CIT: variants seen among roughly 807,000 people sequenced by gnomAD.
CIT encodes citron rho-interacting serine/threonine kinase, also known as citron Rho-interacting kinase.
Under a neutral mutation model 272.7 loss-of-function variants are expected in CIT, and 79 were observed. The ratio of observed to expected loss-of-function variants is 0.29; its 90% CI spans 0.24 to 0.35. The LOEUF is 0.35. Ranked by LOEUF, CIT falls within the 10% of genes least tolerant of loss-of-function variation. The pLI is 1.00. For synonymous variants in CIT, 948 were observed against 995.6 expected (o/e 0.95, Z 0.90); for missense variants, 1,909 against 2,618.3 (o/e 0.73, Z 5.91).
At chr12:119,821,126 T>C (rs953519340) in intron 9 of CIT, among the ~76,000 whole-genome samples, 4 of 151,922 alleles carry the variant, frequency 2.6e-5, no homozygotes, top group African/African-American at 9.7e-5. Context: ...AAAAACCCTG[T>C]TTCTACGAAA....
intron 5 of CIT, among the ~76,000 whole-genome samples, chr12:119,836,272 C>G (rs972400501): frequency 9.0e-6 from 1 of 111,154 alleles, no homozygotes; most frequent in African/African-American, 4.0e-5. Context: ...GGCAACAGAG[C>G]GAGACTCCAT....
At chr12:119,865,283 A>G (rs1396180830) in intron 3 of CIT, among the ~76,000 whole-genome samples, 2 of 152,182 alleles carry the variant, frequency 1.3e-5, no homozygotes, top group Admixed American at 6.6e-5. Context: ...AAGACTAATG[A>G]AGGTGCCTGC....
intron 24 of CIT, among the ~76,000 whole-genome samples, chr12:119,737,372 T>C (rs966718718): frequency 9.2e-6 from 1 of 108,978 alleles, no homozygotes; most frequent in Non-Finnish European, 1.9e-5. Flanking sequence ...GACTAGACTA[T>C]AGAAAGTCTA....
At chr12:119,691,601 T>C (rs1037071509) in intron 46 of CIT, among the ~76,000 whole-genome samples, 3 of 152,170 alleles carry the variant, frequency 2.0e-5, no homozygotes, top group Non-Finnish European at 2.9e-5. Flanking sequence ...GTCCCAGGCC[T>C]CAAAGGTTGA....
At chr12:119,790,663 C>T (rs1965232237) in intron 10 of CIT, among the ~76,000 whole-genome samples, 1 of 152,016 alleles carries the variant, frequency 6.6e-6, no homozygotes, top group Admixed American at 6.5e-5. Context: ...ACCTGCAGAC[C>T]AGTGGTTCTC....
At position 119,704,433 on chromosome 12, in the gene CIT, C is replaced by A; in HGVS notation, c.5234G>T (p.Cys1745Phe). 6.2e-7 allele frequency: 1 copy of A among 1,613,938 alleles called. No individual in the cohort carries two copies. ...GACGACTTTGCTGGGCATGGCTGCA[C>A]AGATGCAGAGCCCGTTCTCAATCTG... ...AGKIENGLCI[C>F]AAMPSKVVIL... is the part of the protein sequence containing the mutation. Residue 1745 changes from cysteine to phenylalanine, a missense_variant, in exon 41 of 48, where the codon TGT becomes TTT. By Grantham distance (205) the Cys-to-Phe change is radical (BLOSUM62 -2). Transcript: ENST00000392521.
chr12:119,861,524 T>C (rs1950337097), intron 3 of CIT, among the ~76,000 whole-genome samples: 1 of 151,282 alleles, frequency 6.6e-6, no homozygotes, highest in Admixed American at 6.6e-5. Context: ...GAGGCAGAGG[T>C]TGCAGTGAGC....
At position 119,752,160 on chromosome 12, in the gene CIT, A is replaced by G. The variant is rs1277644822; in HGVS notation, c.2794T>C (p.Leu932=). 6.2e-7 allele frequency: 1 copy of G among 1,612,924 alleles called. No homozygotes were observed. Among genetic ancestry groups the G allele is most frequent in the Admixed American group, 1.7e-5 (1 of 60,030 alleles). The part of the protein sequence containing the change: ...QLSLQERESQ[L]TALQAARAAL... ...GCCCGTGCAGCCTGCAGGGCTGTCA[A>G]CTGTGACTCGCGCTCCTGCAGGGAG... is the stretch of plus-strand genomic sequence containing the variant. The change falls in exon 23 of 48, where the codon TTG becomes CTG. Residue 932 remains leucine (L), a synonymous_variant. Transcript: ENST00000392521.
chr12:119,832,636 C>T, intron 7 of CIT, 135 bp downstream of exon 7: 1 of 643,760 alleles, frequency 1.6e-6, no homozygotes, highest in South Asian at 2.0e-5. Context: ...TTCTGTGTCC[C>T]TGTCCCCACC....
In CIT at chr12:119,767,171, C is replaced by A. The variant is rs769310606; in HGVS notation, c.2220G>T (p.Glu740Asp). The A allele has an allele frequency of 1.2e-6, 2 of 1,609,940 alleles. No homozygotes were observed. Among genetic ancestry groups the A allele is most frequent in the Non-Finnish European group, 1.7e-6 (2 of 1,177,940 alleles). Residue 740 changes from glutamate (E) to aspartate (D), a missense_variant, in exon 19 of 48, where the codon GAG becomes GAT. Coordinates refer to ENST00000392521, the MANE Select transcript of CIT (RefSeq NM_001206999.2). ...CTGAGACTTGGGCCTCCCGATGTTT[C>A]TCTTCGAGCTCCTAGACACAAAAGA... is the stretch of plus-strand genomic sequence containing the variant. ...QMADKILELEEKHREAQVSAQ... is the reference protein window; with the variant it reads ...QMADKILELEDKHREAQVSAQ...
rs1224435492 is a variant in CIT, at chr12:119,784,448, G to C, written c.1402-397C>G. ...ATCTAGAGGACAAATCCAGGACAGG[G>C]CAAGGAGATATTTATTCGTCTGCAC... On this transcript the variant is annotated intron_variant, in intron 11 of 47. Coordinates refer to ENST00000392521, the MANE Select transcript of CIT (RefSeq NM_001206999.2). This position sits in a 1 kb window ranked among gnomAD's most constrained non-coding sequence, Gnocchi z 4.7. 1.7e-6 allele frequency: 2 copies of C among 1,203,466 alleles called. No homozygotes were observed. Among genetic ancestry groups the C allele is most frequent in the African/African-American group, 3.2e-5 (2 of 63,118 alleles). The allele number at this position is 1,203,466 out of a possible 1,614,324, so 74.5% of individuals were successfully genotyped here. A position where few individuals can be genotyped will look rare whatever the true frequency, so the allele number is the denominator to read the frequency against.
chr12:119,718,315 C>T lies in CIT; in HGVS notation c.4098G>A (p.Glu1366=). The change falls in exon 32 of 48, where the codon GAG becomes GAA. Residue 1366 remains glutamate (E), a synonymous_variant. Coordinates refer to ENST00000392521, the MANE Select transcript of CIT (RefSeq NM_001206999.2). This position sits in a 1 kb window ranked among gnomAD's most constrained non-coding sequence, Gnocchi z 4.8. ...IAMSAIVRSP[E]HQPSAMSLLA... is the part of the protein sequence containing the mutation. ...GCAGGCTCATGGCACTGGGCTGGTGCTCTGGCGACCGCACGATGGCGGACA... is the reference window on the plus strand; with the variant it reads ...GCAGGCTCATGGCACTGGGCTGGTGTTCTGGCGACCGCACGATGGCGGACA... 1.2e-6 allele frequency: 2 copies of T among 1,613,996 alleles called. No homozygotes were observed. The highest frequency in any genetic ancestry group is 2.2e-5 in the East Asian group (1 of 44,872).
At chr12:119,788,871 T>C (rs1483003905) in intron 10 of CIT, among the ~76,000 whole-genome samples, 2 of 152,126 alleles carry the variant, frequency 1.3e-5, no homozygotes, top group African/African-American at 4.8e-5. Flanking sequence ...CTCTTTAGAA[T>C]AAAGGTGCTA....
chr12:119,698,934 C>A (rs992303842), intron 44 of CIT, among the ~76,000 whole-genome samples: 1 of 152,072 alleles, frequency 6.6e-6, no homozygotes, highest in African/African-American at 2.4e-5. Flanking sequence ...TGATTGTAAA[C>A]ATCTTCAAAG....
chr12:119,841,148 T>A (rs576137805), intron 5 of CIT, among the ~76,000 whole-genome samples: 2 of 151,928 alleles, frequency 1.3e-5, no homozygotes, highest in Non-Finnish European at 2.9e-5. Context: ...GTACCTTGTA[T>A]CACCTACAAA....
chr12:119,859,071 G>C (rs940744747), intron 3 of CIT, among the ~76,000 whole-genome samples: 3 of 152,160 alleles, frequency 2.0e-5, no homozygotes, highest in Non-Finnish European at 2.9e-5. Flanking sequence ...TAGATACACT[G>C]ATCTGAGACA....
Position 119,690,065 on chromosome 12 carries a change from A to T in CIT, c.6186+86T>A. 7.8e-7 allele frequency: 1 copy of T among 1,279,852 alleles called. No individual in the cohort carries two copies. The highest frequency in any genetic ancestry group is 1.0e-6 in the Non-Finnish European group (1 of 988,086). 79.3% of individuals were successfully genotyped at this position (1,279,852 alleles called of 1,614,324 possible). Reference sequence around the variant, plus strand: ...TACAGTCATGGAGTTCCTTTTTTAAACAACAGTGGCCCCGTGGGGGCCTCA... The same window carrying T: ...TACAGTCATGGAGTTCCTTTTTTAATCAACAGTGGCCCCGTGGGGGCCTCA... On this transcript the variant is annotated intron_variant, in intron 47 of 47. Coordinates refer to ENST00000392521, the MANE Select transcript of CIT (RefSeq NM_001206999.2). This position sits in a 1 kb window ranked among gnomAD's most constrained non-coding sequence, Gnocchi z 6.0.
At chr12:119,802,900 C>G (rs1025813196) in intron 10 of CIT, among the ~76,000 whole-genome samples, 3 of 152,202 alleles carry the variant, frequency 2.0e-5, no homozygotes, top group African/African-American at 7.2e-5. Context: ...GGGATCTGCA[C>G]TGCTGGAAAT....
intron 10 of CIT, among the ~76,000 whole-genome samples, chr12:119,802,859 T>A (rs1391812873): frequency 2.6e-5 from 4 of 152,186 alleles, no homozygotes; most frequent in Admixed American, 1.3e-4. Flanking sequence ...GGGCAGCTCA[T>A]CTTAACTCCT....
Sources: allele counts gnomAD v4.1 joint callset (sites outside exome capture counted in the v4.1 genomes callset), GRCh38; gene constraint gnomAD v4.1.1; non-coding constraint Gnocchi (gnomAD v3.1); transcripts MANE v1.5; gene names NCBI Gene and HGNC (gene_info 2026-07-23, HGNC 2026-07-21).